ENKUR: variants seen among roughly 807,000 people sequenced by gnomAD.
ENKUR encodes enkurin, TRPC channel interacting protein.
ENKUR carries 19 observed loss-of-function variants against 27.6 expected under a neutral mutation model. The ratio of observed to expected loss-of-function variants is 0.69; its 90% confidence interval spans 0.48 to 1.01. The LOEUF (loss-of-function observed/expected upper bound fraction) is 1.01. Ranked by LOEUF, ENKUR falls within the 50% of genes least tolerant of loss-of-function variation. The probability of loss-of-function intolerance (pLI) is 0.00; values close to 1 mark genes in which losing one functional copy is unlikely to be tolerated. For missense variants in ENKUR, 312 were observed against 310.5 expected (o/e 1.00, Z -0.04); for synonymous variants, 117 against 96.9 (o/e 1.21, Z -1.22).
intron 2 of ENKUR, among the ~76,000 whole-genome samples, chr10:25,037,994 G>A (rs1851025370): frequency 1.3e-5 from 2 of 152,134 alleles, no homozygotes; most frequent in African/African-American, 4.8e-5. Context: ...CAGTAAAATA[G>A]ATCCCACAAT....
chr10:24,989,926 T>C (rs1554768946), intron 4 of ENKUR, among the ~76,000 whole-genome samples: 3 of 152,114 alleles, frequency 2.0e-5, no homozygotes, highest in Non-Finnish European at 4.4e-5. Flanking sequence ...AGCCCTGCAT[T>C]AAAAAATCCA....
intron 2 of ENKUR, among the ~76,000 whole-genome samples, chr10:25,028,014 T>G (rs1850889182): frequency 6.6e-6 from 1 of 152,034 alleles, no homozygotes; most frequent in African/African-American, 2.4e-5. Flanking sequence ...GCTGTAAGAT[T>G]TAAGAGGAAA....
chr10:25,030,072 C>T (rs1468346799), intron 2 of ENKUR, among the ~76,000 whole-genome samples: 1 of 152,024 alleles, frequency 6.6e-6, no homozygotes, highest in African/African-American at 2.4e-5. Flanking sequence ...GAAGATTTCC[C>T]CTCTTGAGTG....
At chr10:25,039,864 G>T (rs1475880988) in intron 2 of ENKUR, among the ~76,000 whole-genome samples, 3 of 151,444 alleles carry the variant, frequency 2.0e-5, no homozygotes, top group African/African-American at 7.3e-5. Context: ...AAATAGCATG[G>T]GTGCAGCACA....
At chr10:25,008,555 C>G (rs1326071723) in intron 1 of ENKUR, among the ~76,000 whole-genome samples, 1 of 152,190 alleles carries the variant, frequency 6.6e-6, no homozygotes, top group East Asian at 1.9e-4. Context: ...GGATGGGAAG[C>G]TCCAAAAATG....
intron 2 of ENKUR, chr10:25,024,943 C>T (rs781236924): frequency 1.2e-5 from 19 of 1,613,860 alleles, no homozygotes; most frequent in South Asian, 5.5e-5. Flanking sequence ...AAACCTAGAA[C>T]GACATTTACA....
chr10:25,054,497 CTTT>C (rs1427241494), intron 2 of ENKUR, among the ~76,000 whole-genome samples: 7 of 140,352 alleles, frequency 5.0e-5, no homozygotes, highest in East Asian at 4.1e-4. Flanking sequence ...TTCTTTCTTT[CTTT>C]CTTTCTTTCT....
Position 24,984,841 on chromosome 10 carries a change from G to C in ENKUR, c.659C>G (p.Ser220Cys), listed in dbSNP as rs575120495. ...EFQSLSVFIDSIPKKIRKQRL... is the reference protein window; with the variant it reads ...EFQSLSVFIDCIPKKIRKQRL... ...CTGCTTGCGGATCTTCTTTGGTATA[G>C]AATCTATAAAGACCGAGAGGGACTG... The change falls in exon 5 of 6, where the codon TCT becomes TGT. Residue 220 changes from serine to cysteine, a missense_variant. Transcript: ENST00000331161. 2 of 1,613,574 alleles carry C rather than the reference G, an allele frequency of 1.2e-6. No individual in the cohort carries two copies. Among genetic ancestry groups the C allele is most frequent in the Non-Finnish European group, 1.7e-6 (2 of 1,179,736 alleles).
chr10:25,025,364 A>G, intron 2 of ENKUR: 3 of 1,614,240 alleles, frequency 1.9e-6, no homozygotes, highest in Non-Finnish European at 2.5e-6. Flanking sequence ...AGAACAAAAC[A>G]GCAAGAGAAG....
chr10:24,986,860 T>C (rs1314487230), intron 4 of ENKUR, among the ~76,000 whole-genome samples: 1 of 152,238 alleles, frequency 6.6e-6, no homozygotes, highest in African/African-American at 2.4e-5. Context: ...GTTGCAGCAA[T>C]AGTGATTTTC....
intron 2 of ENKUR, among the ~76,000 whole-genome samples, chr10:25,029,805 T>C (rs1440871900): frequency 6.6e-6 from 1 of 152,194 alleles, no homozygotes; most frequent in Non-Finnish European, 1.5e-5. Flanking sequence ...GCCAATGTCA[T>C]GGAAAAGGGA....
At chr10:25,006,744 C>G (rs1850321760) in intron 1 of ENKUR, among the ~76,000 whole-genome samples, 1 of 152,018 alleles carries the variant, frequency 6.6e-6, no homozygotes, top group African/African-American at 2.4e-5. Flanking sequence ...GTTACTGAAG[C>G]AAAAAGGACT....
At chr10:25,036,967 A>C (rs896901696) in intron 2 of ENKUR, among the ~76,000 whole-genome samples, 24 of 152,234 alleles carry the variant, frequency 1.6e-4, no homozygotes, top group African/African-American at 5.8e-4. Flanking sequence ...AGATTAAAGA[A>C]GGCAGGCATT....
intron 2 of ENKUR, among the ~76,000 whole-genome samples, chr10:25,053,753 A>G (rs1022033381): frequency 2.0e-5 from 3 of 152,194 alleles, no homozygotes; most frequent in African/African-American, 7.2e-5. Context: ...TAACCCTGCA[A>G]TGAGCATTCT....
At chr10:25,000,657 T>C (rs945653235) in intron 1 of ENKUR, among the ~76,000 whole-genome samples, 16 of 152,264 alleles carry the variant, frequency 1.1e-4, no homozygotes, top group African/African-American at 3.4e-4. Flanking sequence ...TGTAATAGTA[T>C]ATGTTTTTCC....
chr10:25,061,101 G>A (rs990524655), intron 2 of ENKUR: 2 of 1,535,914 alleles, frequency 1.3e-6, no homozygotes. Flanking sequence ...ACACAAGAAT[G>A]TCAGTATTAC....
chr10:24,998,772 G>C (rs533372386), intron 2 of ENKUR, among the ~76,000 whole-genome samples: 6 of 151,898 alleles, frequency 4.0e-5, no homozygotes, highest in Admixed American at 3.9e-4. Flanking sequence ...TATAATTTTT[G>C]AGGCCCAGTA....
chr10:25,060,355 C>T (rs1243227913), intron 2 of ENKUR, among the ~76,000 whole-genome samples: 1 of 152,140 alleles, frequency 6.6e-6, no homozygotes, highest in Non-Finnish European at 1.5e-5. Context: ...CCAAAGAATA[C>T]CATGACCAGA....
intron 2 of ENKUR, chr10:25,023,165 GT>G: frequency 6.6e-7 from 1 of 1,512,940 alleles, no homozygotes. Context: ...TTTGTTTTGT[GT>G]TTTGAAAAGG....
Sources: allele counts gnomAD v4.1 joint callset (sites outside exome capture counted in the v4.1 genomes callset), GRCh38; gene constraint gnomAD v4.1.1; transcripts MANE v1.5; gene names NCBI Gene and HGNC (gene_info 2026-07-23, HGNC 2026-07-21).